The following KCMF1 variants were observed in gnomAD, a reference collection of about 807,000 sequenced individuals.
KCMF1 encodes E3 ubiquitin-protein ligase KCMF1.
KCMF1 carries 3 observed loss-of-function variants against 41.1 expected under a neutral mutation model. The observed-to-expected ratio is 0.07, with a 90% CI of 0.03 to 0.19. The LOEUF is 0.19. Among genes scored for constraint, KCMF1 ranks in the 10% least tolerant of loss-of-function variants. The pLI, the probability that KCMF1 is intolerant of heterozygous loss-of-function variation, is 1.00. For missense variants in KCMF1, 286 were observed against 488.9 expected (o/e 0.58, Z 3.91); for synonymous variants, 142 against 164.5 (o/e 0.86, Z 1.04).
chr2:85,000,137 C>T (rs914762421), intron 1 of KCMF1, among the ~76,000 whole-genome samples: 2 of 151,906 alleles, frequency 1.3e-5, no homozygotes, highest in African/African-American at 2.4e-5. Context: ...ATAACTAAGA[C>T]GATATTGATT....
At chr2:84,989,134 T>C (rs1262543828) in intron 1 of KCMF1, among the ~76,000 whole-genome samples, 2 of 152,158 alleles carry the variant, frequency 1.3e-5, no homozygotes, top group African/African-American at 4.8e-5. Flanking sequence ...CTAATAAATA[T>C]GTATTGAAAA....
At chr2:85,005,374 C>T (rs866102190) in intron 1 of KCMF1, among the ~76,000 whole-genome samples, 20 of 151,874 alleles carry the variant, frequency 1.3e-4, no homozygotes, top group African/African-American at 4.4e-4. Context: ...CTGCAAGCTC[C>T]GCCTATTGGG....
intron 1 of KCMF1, among the ~76,000 whole-genome samples, chr2:84,976,153 A>G (rs1278204592): frequency 6.6e-6 from 1 of 151,532 alleles, no homozygotes; most frequent in African/African-American, 2.4e-5. Context: ...AATTTCAGAG[A>G]GGTACTCTAC....
intron 1 of KCMF1, among the ~76,000 whole-genome samples, chr2:84,998,014 C>G (rs1674218500): frequency 6.6e-6 from 1 of 151,826 alleles, no homozygotes; most frequent in Non-Finnish European, 1.5e-5. Flanking sequence ...CTCAAGTGAT[C>G]TGCCCACCTC....
chr2:84,981,270 A>G (rs947742506), intron 1 of KCMF1, among the ~76,000 whole-genome samples: 2 of 151,640 alleles, frequency 1.3e-5, no homozygotes, highest in Non-Finnish European at 2.9e-5. Context: ...GCTCACTGCA[A>G]GCTCCGCCTC....
intron 1 of KCMF1, among the ~76,000 whole-genome samples, chr2:84,973,302 T>G (rs147922286): frequency 1.7e-3 from 263 of 152,324 alleles, no homozygotes; most frequent in African/African-American, 6.1e-3. Context: ...TTAGAGTAAT[T>G]AAAATCTCAT....
At chr2:85,049,250 G>A (rs1445704269) in intron 5 of KCMF1, 116 bp from the exon 6 acceptor site, 16 of 1,013,752 alleles carry the variant, frequency 1.6e-5, no homozygotes, top group Non-Finnish European at 2.2e-5. Context: ...GTGTGCTGTG[G>A]TGGTTACCTA....
chr2:85,002,873 A>G (rs1674368578), intron 1 of KCMF1, among the ~76,000 whole-genome samples: 1 of 152,158 alleles, frequency 6.6e-6, no homozygotes, highest in Non-Finnish European at 1.5e-5. Context: ...TACTATATAT[A>G]CTAACTATAT....
chr2:85,017,608 G>A (rs1163492777), intron 1 of KCMF1, among the ~76,000 whole-genome samples: 2 of 135,002 alleles, frequency 1.5e-5, no homozygotes, highest in Non-Finnish European at 1.5e-5. Context: ...AGTCAAAATC[G>A]GCTGTCAATG....
chr2:84,980,822 G>T (rs1393768506), intron 1 of KCMF1, among the ~76,000 whole-genome samples: 1 of 151,858 alleles, frequency 6.6e-6, no homozygotes, highest in East Asian at 1.9e-4. Flanking sequence ...TGAAATTTTT[G>T]TAGAGATAGG....
intron 1 of KCMF1, among the ~76,000 whole-genome samples, chr2:85,000,226 C>T (rs1196997040): frequency 2.0e-5 from 3 of 151,702 alleles, no homozygotes; most frequent in Admixed American, 1.3e-4. Flanking sequence ...CCCAGGTTCA[C>T]GCCATTCTCC....
At chr2:84,991,896 T>G (rs1674049370) in intron 1 of KCMF1, among the ~76,000 whole-genome samples, 1 of 152,316 alleles carries the variant, frequency 6.6e-6, no homozygotes, top group East Asian at 1.9e-4. Flanking sequence ...TTCAACCCAT[T>G]TTCTACTATG....
intron 1 of KCMF1, among the ~76,000 whole-genome samples, chr2:85,027,365 G>C (rs1316785351): frequency 1.7e-5 from 2 of 121,096 alleles, no homozygotes; most frequent in Admixed American, 1.7e-4. Context: ...GCTTATCAAG[G>C]CTTTTTTTTT....
intron 1 of KCMF1, among the ~76,000 whole-genome samples, chr2:85,008,289 A>G (rs13012101): frequency 2.6e-4 from 13 of 49,634 alleles, no homozygotes; most frequent in African/African-American, 4.7e-4. Flanking sequence ...TATGATATAT[A>G]ATATATATAA....
chr2:84,973,543 C>T (rs1673453846), intron 1 of KCMF1, among the ~76,000 whole-genome samples: 1 of 152,140 alleles, frequency 6.6e-6, no homozygotes, highest in African/African-American at 2.4e-5. Context: ...CTGTTGAAGA[C>T]TTATAGTACA....
intron 1 of KCMF1, among the ~76,000 whole-genome samples, chr2:85,008,284 T>C (rs1288191952): frequency 1.0e-5 from 1 of 96,524 alleles, no homozygotes; most frequent in Non-Finnish European, 2.0e-5. Context: ...TATAATATGA[T>C]ATATAATATA....
intron 1 of KCMF1, among the ~76,000 whole-genome samples, chr2:84,979,404 A>G (rs889283912): frequency 1.3e-5 from 2 of 151,888 alleles, no homozygotes; most frequent in Non-Finnish European, 2.9e-5. Flanking sequence ...GGCGCCTGTA[A>G]TCCCAGCTAC....
At chr2:85,033,745 G>T (rs1051389832) in intron 2 of KCMF1, among the ~76,000 whole-genome samples, 2 of 152,170 alleles carry the variant, frequency 1.3e-5, no homozygotes, top group Non-Finnish European at 2.9e-5. Flanking sequence ...CACAGCATGA[G>T]CTTTGGTGGG....
chr2:85,031,136 C>A (rs1462279389), intron 2 of KCMF1, among the ~76,000 whole-genome samples: 2 of 152,134 alleles, frequency 1.3e-5, no homozygotes, highest in Non-Finnish European at 2.9e-5. Flanking sequence ...CGTTTCATTT[C>A]TGTATTTTAG....
Sources: gnomAD v4.1 joint callset for allele counts (sites outside exome capture counted in the v4.1 genomes callset) on GRCh38, gnomAD v4.1.1 for gene constraint, MANE v1.5 for transcripts, NCBI Gene and HGNC (gene_info 2026-07-23, HGNC 2026-07-21) for gene names.